The following AOPEP variants were observed in gnomAD, a reference collection of about 807,000 sequenced individuals.
AOPEP encodes aminopeptidase O.
In AOPEP, 77 loss-of-function variants were observed where a neutral mutation model predicts 98.1. The ratio of observed to expected loss-of-function variants is 0.78; its 90% CI spans 0.65 to 0.95. The LOEUF (loss-of-function observed/expected upper bound fraction) is 0.95. AOPEP is among the 40% of genes least tolerant of loss of function. The pLI is 0.00. For synonymous variants in AOPEP, 346 were observed against 365.3 expected (o/e 0.95, Z 0.60); for missense variants, 1,024 against 1,024.7 (o/e 1.00, Z 0.01).
intron 1 of AOPEP, among the ~76,000 whole-genome samples, chr9:94,737,728 T>G (rs1339569964): frequency 6.6e-6 from 1 of 152,218 alleles, no homozygotes; most frequent in Non-Finnish European, 1.5e-5. Flanking sequence ...TAACTTGCCA[T>G]GCCAATAAGC....
At chr9:95,060,571 G>A in intron 13 of AOPEP, 123 bp from the exon 14 acceptor site, 2 of 714,116 alleles carry the variant, frequency 2.8e-6, no homozygotes, top group Middle Eastern at 2.4e-4. Flanking sequence ...GTCTTTCCAT[G>A]TTGCCAATAT....
rs556972027 is a variant in AOPEP, at chr9:94,805,477, GT to G, written c.1364+4481del. Among the ~76,000 whole-genome samples, 232 of 148,034 alleles carry G rather than the reference GT, an allele frequency of 1.6e-3. 2 individuals are homozygous for G. Among genetic ancestry groups the G allele is most frequent in the Middle Eastern group, 0.01 (3 of 286 alleles). ...CTCATCCTAGTTTGAAAGGTTTTTT[GT>G]TTTTTGTTTTTTGTTTTTTTTTTTA... On this transcript the variant is annotated intron_variant, in intron 5 of 16. Coordinates refer to ENST00000375315, the MANE Select transcript of AOPEP (RefSeq NM_001193329.3).
chr9:94,955,106 T>A (rs1444339369), intron 7 of AOPEP, 71 bp from the exon 8 acceptor site: 8 of 814,048 alleles, frequency 9.8e-6, no homozygotes, highest in Non-Finnish European at 6.1e-6. Flanking sequence ...AAATAACAAA[T>A]AAGATGCTAT....
intron 9 of AOPEP, among the ~76,000 whole-genome samples, chr9:94,964,952 G>A (rs2059101052): frequency 6.6e-6 from 1 of 151,826 alleles, no homozygotes; most frequent in Admixed American, 6.6e-5. Flanking sequence ...ACAAGGACTT[G>A]GATTTTTAAG....
At chr9:94,739,334 A>G (rs1347821264) in intron 1 of AOPEP, among the ~76,000 whole-genome samples, 1 of 152,182 alleles carries the variant, frequency 6.6e-6, no homozygotes, top group South Asian at 2.1e-4. Context: ...TTGGTTAAAG[A>G]TAAGGGCAGT....
intron 3 of AOPEP, among the ~76,000 whole-genome samples, chr9:94,779,330 C>T (rs541532673): frequency 6.6e-6 from 1 of 152,332 alleles, no homozygotes; most frequent in South Asian, 2.1e-4. Context: ...CTCCACCTCC[C>T]AAGATGCCAT....
At chr9:94,844,318 T>C (rs1233828114) in intron 5 of AOPEP, among the ~76,000 whole-genome samples, 3 of 152,150 alleles carry the variant, frequency 2.0e-5, no homozygotes, top group African/African-American at 7.2e-5. Context: ...CATACCCTTT[T>C]AAGAAAAAAA....
At chr9:95,123,922 T>C in the AOPEP span, 3 of 401,894 alleles carry the variant, frequency 7.5e-6, no homozygotes, top group Non-Finnish European at 9.5e-6. Context: ...AAAAATAAAA[T>C]GGAAATTGTA....
intron 13 of AOPEP, among the ~76,000 whole-genome samples, chr9:95,042,689 A>G (rs1378105675): frequency 6.6e-6 from 1 of 152,136 alleles, no homozygotes; most frequent in African/African-American, 2.4e-5. Flanking sequence ...CTTTAAAGCT[A>G]GCATGGTTTG....
intron 5 of AOPEP, among the ~76,000 whole-genome samples, chr9:94,903,267 G>C (rs34586177): frequency 6.6e-6 from 1 of 151,920 alleles, no homozygotes; most frequent in Non-Finnish European, 1.5e-5. Context: ...ACAGGCATGA[G>C]GCACCATGCC....
At chr9:95,012,997 G>T (rs1395279652) in intron 13 of AOPEP, among the ~76,000 whole-genome samples, 3 of 130,760 alleles carry the variant, frequency 2.3e-5, no homozygotes, top group South Asian at 5.9e-4. Flanking sequence ...TGGGGGGGGG[G>T]GCAGGGCGAT....
chr9:95,013,800 T>C (rs1589265011), intron 13 of AOPEP, among the ~76,000 whole-genome samples: 1 of 152,354 alleles, frequency 6.6e-6, no homozygotes, highest in East Asian at 1.9e-4. Context: ...ATCTAAAGTC[T>C]GTTACTCCAT....
At chr9:94,918,473 A>G (rs1031354862) in intron 5 of AOPEP, among the ~76,000 whole-genome samples, 1 of 152,162 alleles carries the variant, frequency 6.6e-6, no homozygotes, top group Non-Finnish European at 1.5e-5. Flanking sequence ...CATGGGCTTG[A>G]GCTGGCACAG....
intron 2 of AOPEP, among the ~76,000 whole-genome samples, chr9:94,770,015 A>G (rs1284549327): frequency 1.3e-5 from 2 of 152,238 alleles, no homozygotes; most frequent in Admixed American, 1.3e-4. Flanking sequence ...TACAATATCT[A>G]TGCGTCCTAC....
At chr9:94,769,078 T>C (rs1564100036) in intron 2 of AOPEP, among the ~76,000 whole-genome samples, 1 of 152,226 alleles carries the variant, frequency 6.6e-6, no homozygotes, top group Non-Finnish European at 1.5e-5. Context: ...ATAGTTCTCA[T>C]TTGAATGTGT....
intron 10 of AOPEP, among the ~76,000 whole-genome samples, chr9:94,977,440 A>G (rs2138630718): frequency 6.6e-6 from 1 of 152,204 alleles, no homozygotes; most frequent in East Asian, 1.9e-4. Flanking sequence ...GTTTCTCTCT[A>G]GCTGGTCAGT....
intron 1 of AOPEP, among the ~76,000 whole-genome samples, chr9:94,754,599 A>G (rs1836575511): frequency 1.3e-5 from 2 of 152,234 alleles, no homozygotes; most frequent in South Asian, 2.1e-4. Flanking sequence ...TCCCTGTTGT[A>G]TAAGTAACTA....
chr9:94,742,884 C>T (rs903669920), intron 1 of AOPEP, among the ~76,000 whole-genome samples: 4 of 151,762 alleles, frequency 2.6e-5, no homozygotes, highest in East Asian at 1.9e-4. Flanking sequence ...GAAAAATAAC[C>T]GCAGATTGTT....
Position 94,896,244 on chromosome 9 carries a change from G to A in AOPEP, c.1365-27742G>A, listed in dbSNP as rs562815441. 3.9e-5 allele frequency among the ~76,000 whole-genome samples: 6 copies of A among 152,270 alleles called. No homozygotes were observed. The South Asian group carries it at 1.2e-3, about 32-fold the overall frequency. On this transcript the variant is annotated intron_variant, in intron 5 of 16. Coordinates refer to ENST00000375315, the MANE Select transcript of AOPEP (RefSeq NM_001193329.3). The stretch of plus-strand genomic sequence containing the variant: ...TTACAAACAAACAGTTATAATGGAA[G>A]AAGAGCTCCCATTTAGAAAAGCACA...
Sources: allele counts gnomAD v4.1 joint callset (sites outside exome capture counted in the v4.1 genomes callset), GRCh38; gene constraint gnomAD v4.1.1; transcripts MANE v1.5; gene names NCBI Gene and HGNC (gene_info 2026-07-23, HGNC 2026-07-21).